Variants in HPCAL1 observed in about 807,000 individuals in gnomAD.
The protein encoded by HPCAL1 is hippocalcin-like protein 1.
Under a neutral mutation model 17.1 loss-of-function variants are expected in HPCAL1, and 8 were observed. The ratio of observed to expected loss-of-function variants is 0.47; its 90% confidence interval spans 0.27 to 0.84. The LOEUF is 0.84. HPCAL1 is among the 40% of genes least tolerant of loss of function. The pLI is 0.13. For missense variants in HPCAL1, 165 were observed against 271.1 expected (o/e 0.61, Z 2.75); for synonymous variants, 112 against 111.4 (o/e 1.01, Z -0.03).
At chr2:10,314,859 A>C (rs1663207922) in intron 1 of HPCAL1, among the ~76,000 whole-genome samples, 1 of 152,216 alleles carries the variant, frequency 6.6e-6, no homozygotes, top group South Asian at 2.1e-4. Flanking sequence ...AATTATTTGA[A>C]ATTAGCACAT....
chr2:10,343,449 G>A lies in HPCAL1; in HGVS notation c.-111+40272G>A, dbSNP rs1665220379. Among the ~76,000 whole-genome samples the A allele has an allele frequency of 6.6e-6, 1 of 152,230 alleles. No individual in the cohort carries two copies. Among genetic ancestry groups the A allele is most frequent in the Non-Finnish European group, 1.5e-5 (1 of 68,044 alleles). ...GGGAGGTGGGTGTTTGCATAGGCAG[G>A]CAGGTGAGCCAGCCTAGTTTGTCCA... is the stretch of plus-strand genomic sequence containing the variant. On this transcript the variant is annotated intron_variant, in intron 1 of 4. Coordinates refer to ENST00000307845, the MANE Select transcript of HPCAL1 (RefSeq NM_002149.4). The surrounding 1 kb of genome is among the most constrained non-coding windows in gnomAD (Gnocchi z 4.8).
intron 1 of HPCAL1, among the ~76,000 whole-genome samples, chr2:10,345,118 T>C (rs1036691519): frequency 1.3e-5 from 2 of 152,168 alleles, no homozygotes; most frequent in African/African-American, 2.4e-5. Flanking sequence ...TCTGTCTCTG[T>C]CTCTGTATGT....
rs1015781335 is a variant in HPCAL1 at position 10,359,831 on chromosome 2, C to G, written c.-110-37004C>G. Among the ~76,000 whole-genome samples the G allele has an allele frequency of 4.6e-5, 7 of 152,156 alleles. No individual in the cohort carries two copies. Among genetic ancestry groups the G allele is most frequent in the African/African-American group, 1.7e-4 (7 of 41,408 alleles). On this transcript the variant is annotated intron_variant, in intron 1 of 4. Coordinates refer to ENST00000307845, the MANE Select transcript of HPCAL1 (RefSeq NM_002149.4). This position sits in a 1 kb window ranked among gnomAD's most constrained non-coding sequence, Gnocchi z 4.1. ...TGTGAAGGCACAGGGAGGGCCCTTT[C>G]CAGAGCAGGCTGCATCTCCCCTCAG... is the stretch of plus-strand genomic sequence containing the variant.
chr2:10,307,104 G>GCCC (rs1335826187), intron 1 of HPCAL1, among the ~76,000 whole-genome samples: 1 of 151,892 alleles, frequency 6.6e-6, no homozygotes, highest in African/African-American at 2.4e-5. Context: ...AGGTGTCTTA[G>GCCC]CCCCACCTGT....
intron 1 of HPCAL1, among the ~76,000 whole-genome samples, chr2:10,356,371 G>A (rs1291604686): frequency 1.3e-5 from 2 of 152,130 alleles, no homozygotes; most frequent in African/African-American, 4.8e-5. Flanking sequence ...CTGGGGAGGT[G>A]GTAGTTTTGA....
At chr2:10,383,049 C>T (rs377097466) in intron 1 of HPCAL1, among the ~76,000 whole-genome samples, 9 of 152,202 alleles carry the variant, frequency 5.9e-5, no homozygotes, top group Admixed American at 2.0e-4. Context: ...TAATCTGCAA[C>T]CCCTTACCAT....
At chr2:10,314,810 A>T (rs1663205178) in intron 1 of HPCAL1, among the ~76,000 whole-genome samples, 1 of 152,206 alleles carries the variant, frequency 6.6e-6, no homozygotes, top group Admixed American at 6.5e-5. Flanking sequence ...TACTGACCAG[A>T]TTTTGTTTCA....
chr2:10,396,683 C>T (rs575122055), intron 1 of HPCAL1, among the ~76,000 whole-genome samples, 152 bp from the exon 2 acceptor site: 5 of 152,302 alleles, frequency 3.3e-5, no homozygotes, highest in East Asian at 1.9e-4. Context: ...GGTGGCTGGC[C>T]GGAGGCCGGG....
intron 1 of HPCAL1, among the ~76,000 whole-genome samples, chr2:10,347,798 C>T (rs145064208): frequency 6.6e-6 from 1 of 152,246 alleles, no homozygotes; most frequent in African/African-American, 2.4e-5. Flanking sequence ...TAATGTTTAG[C>T]TCCCCAAACC....
chr2:10,414,986 A>T (rs1298676431), intron 2 of HPCAL1, among the ~76,000 whole-genome samples: 1 of 152,240 alleles, frequency 6.6e-6, no homozygotes, highest in Non-Finnish European at 1.5e-5. Context: ...AGGAGTGTGG[A>T]CAATAGAAAG....
At chr2:10,327,578 G>A (rs578039104) in intron 1 of HPCAL1, among the ~76,000 whole-genome samples, 74 of 152,244 alleles carry the variant, frequency 4.9e-4, no homozygotes, top group Admixed American at 7.2e-4. Flanking sequence ...TTTATAGAGC[G>A]TAGTATATAT....
At chr2:10,320,835 G>A (rs563661060) in intron 1 of HPCAL1, among the ~76,000 whole-genome samples, 6 of 152,294 alleles carry the variant, frequency 3.9e-5, no homozygotes, top group African/African-American at 1.2e-4. Context: ...AGACCTGCCC[G>A]CTCAGGGCTT....
intron 4 of HPCAL1, chr2:10,425,654 G>T (rs1671357614): frequency 6.6e-6 from 1 of 152,364 alleles, no homozygotes; most frequent in African/African-American, 2.4e-5. Flanking sequence ...GGAAACGTTG[G>T]TGGCTTGCCA....
intron 1 of HPCAL1, among the ~76,000 whole-genome samples, chr2:10,383,935 A>G: frequency 6.6e-6 from 1 of 151,972 alleles, no homozygotes; most frequent in East Asian, 1.9e-4. Flanking sequence ...GACATTGCCA[A>G]ATGTACCCGG....
chr2:10,327,568 T>G (rs1379890838), intron 1 of HPCAL1, among the ~76,000 whole-genome samples: 1 of 152,238 alleles, frequency 6.6e-6, no homozygotes, highest in Admixed American at 6.5e-5. Flanking sequence ...TATATCATAC[T>G]TTATAGAGCG....
At chr2:10,332,375 C>G (rs528996949) in intron 1 of HPCAL1, among the ~76,000 whole-genome samples, 49 of 152,308 alleles carry the variant, frequency 3.2e-4, no homozygotes, top group African/African-American at 9.1e-4. Context: ...TCCATTTTCT[C>G]TAGAACCCTC....
At position 10,330,160 on chromosome 2, in the gene HPCAL1, C is replaced by T. The variant is rs1473937614; in HGVS notation, c.-111+26983C>T. 1 of 151,912 alleles carries T rather than the reference C, an allele frequency of 6.6e-6. No individual in the cohort carries two copies. The highest frequency in any genetic ancestry group is 1.5e-5 in the Non-Finnish European group (1 of 68,020). The allele number at this position is 151,912 out of a possible 1,614,324, so 9.4% of individuals were successfully genotyped here. On this transcript the variant is annotated intron_variant, in intron 1 of 4. Coordinates refer to ENST00000307845, the MANE Select transcript of HPCAL1 (RefSeq NM_002149.4). The surrounding 1 kb of genome is among the most constrained non-coding windows in gnomAD (Gnocchi z 4.2). Reference sequence around the variant, plus strand: ...GAGATGCTTTCTTTTTCAGAGCGGCCTTTATGCTGTGTTCGGGGCTGTCTG... The same window carrying T: ...GAGATGCTTTCTTTTTCAGAGCGGCTTTTATGCTGTGTTCGGGGCTGTCTG...
rs1373576784 is a variant in HPCAL1, at chr2:10,330,083, A to T, written c.-111+26906A>T. 3 of 144,450 alleles carry T rather than the reference A, an allele frequency of 2.1e-5. No individual in the cohort carries two copies. Among genetic ancestry groups the T allele is most frequent in the East Asian group, 2.0e-4 (1 of 4,964 alleles). 8.9% of individuals were successfully genotyped at this position (144,450 alleles called of 1,614,324 possible). A position where few individuals can be genotyped will look rare whatever the true frequency, so the allele number is the denominator to read the frequency against. On this transcript the variant is annotated intron_variant, in intron 1 of 4. Transcript: ENST00000307845. The surrounding 1 kb of genome is among the most constrained non-coding windows in gnomAD (Gnocchi z 4.2). ...CTGTTATTTAAATCTTGGTCCTTTGATTTTTTTTTTTTTTCCTTTTAGAGA... is the reference window on the plus strand; with the variant it reads ...CTGTTATTTAAATCTTGGTCCTTTGTTTTTTTTTTTTTTTCCTTTTAGAGA...
At chr2:10,368,875 A>T (rs1433098379) in intron 1 of HPCAL1, 1 of 152,186 alleles carries the variant, frequency 6.6e-6, no homozygotes, top group African/African-American at 2.4e-5. Context: ...CCAGGAATAG[A>T]TTATTTGATT....
Sources: gnomAD v4.1 joint callset for allele counts (sites outside exome capture counted in the v4.1 genomes callset) on GRCh38, gnomAD v4.1.1 for gene constraint, Gnocchi (gnomAD v3.1) non-coding constraint, MANE v1.5 for transcripts, NCBI Gene and HGNC (gene_info 2026-07-23, HGNC 2026-07-21) for gene names.